The following CELF2 variants were observed in gnomAD, a reference collection of about 807,000 sequenced individuals.
The protein encoded by CELF2 is CUGBP Elav-like family member 2.
A neutral mutation model predicts 62.6 loss-of-function variants in CELF2; 8 were observed. The ratio of observed to expected loss-of-function variants is 0.13; its 90% CI spans 0.07 to 0.23. The LOEUF is 0.23. Among genes scored for constraint, CELF2 ranks in the 10% least tolerant of loss-of-function variants. The pLI is 1.00. For synonymous variants in CELF2, 258 were observed against 250.0 expected, an observed-to-expected ratio of 1.03 and a Z score of -0.30; for missense variants, 333 against 671.0, an observed-to-expected ratio of 0.50 and a Z score of 5.56.
chr10:10,476,066 C>A, the CELF2 span, among the ~76,000 whole-genome samples: 88,412 of 151,768 alleles, frequency 0.58, 25,845 homozygotes, highest in Admixed American at 0.65. Context: ...CAAGGCAAAG[C>A]GTTGGTTAGC....
At position 11,325,844 on chromosome 10, in the gene CELF2, G is replaced by C; in HGVS notation, c.1303G>C (p.Gly435Arg). Reference protein sequence around the residue: ...AAGSQKEGPEGANLFIYHLPQ... With the variant: ...AAGSQKEGPERANLFIYHLPQ... ...TTTTTTTTCCTCCTTAGGTCCAGAG[G>C]GGGCAAACCTCTTTATTTACCACCT... The change falls in exon 12 of 13, where the codon GGG becomes CGG. Residue 435 changes from glycine to arginine, a missense_variant. By Grantham distance (125) the Gly-to-Arg change is moderately radical (BLOSUM62 -2). Around this residue, in one of 3 missense-constraint regions of CELF2, gnomAD observed 35 missense variants for 128.1 expected, o/e 0.27. Coordinates refer to ENST00000633077, the MANE Select transcript of CELF2 (RefSeq NM_001326342.2). The C allele has an allele frequency of 6.2e-7, 1 of 1,612,388 alleles. No individual in the cohort carries two copies. Among genetic ancestry groups the C allele is most frequent in the Non-Finnish European group, 8.5e-7 (1 of 1,179,466 alleles).
the CELF2 span, among the ~76,000 whole-genome samples, chr10:10,543,758 T>TCAACAA: frequency 0.044 from 6,647 of 151,132 alleles, 499 homozygotes; most frequent in African/African-American, 0.15. Context: ...AAACTCCATT[T>TCAACAA]CAACAACAAC....
the CELF2 span, among the ~76,000 whole-genome samples, chr10:10,656,239 G>T: frequency 5.3e-5 from 8 of 151,456 alleles, no homozygotes; most frequent in East Asian, 1.6e-3. Context: ...TGGAGAGGAT[G>T]TGGAGAAATG....
chr10:10,891,027 C>CA (rs2062103131), intron 1 of CELF2, among the ~76,000 whole-genome samples: 1 of 151,302 alleles, frequency 6.6e-6, no homozygotes, highest in Middle Eastern at 3.4e-3. Flanking sequence ...AAAAAACAAA[C>CA]AACAACAACA....
At chr10:11,078,281 C>G (rs752973195) in intron 1 of CELF2, among the ~76,000 whole-genome samples, 1 of 151,980 alleles carries the variant, frequency 6.6e-6, no homozygotes, top group East Asian at 1.9e-4. Flanking sequence ...AATGGGAAAT[C>G]GAGTTCAACA....
the CELF2 span, among the ~76,000 whole-genome samples, chr10:10,563,958 G>A: frequency 3.9e-5 from 6 of 152,164 alleles, no homozygotes; most frequent in South Asian, 1.0e-3. Context: ...GGTTCAACAC[G>A]CAAGAGTGTG....
At position 11,297,641 on chromosome 10, in the gene CELF2, T is replaced by C. The variant is rs148422051; in HGVS notation, c.976+9089T>C. On this transcript the variant is annotated intron_variant, in intron 9 of 12. Transcript: ENST00000633077. This position sits in a 1 kb window ranked among gnomAD's most constrained non-coding sequence, Gnocchi z 4.4. ...CAGGCAGTGAGAGAGGACACAATTC[T>C]ATATGACATGTTCATGAAATGTGAA... Among the ~76,000 whole-genome samples the C allele has an allele frequency of 2.0e-3, 309 of 152,298 alleles. 1 individual carries two copies. The highest frequency in any genetic ancestry group is 7.1e-3 in the African/African-American group (296 of 41,554).
At chr10:10,752,259 C>T in the CELF2 span, among the ~76,000 whole-genome samples, 1 of 152,202 alleles carries the variant, frequency 6.6e-6, no homozygotes, top group African/African-American at 2.4e-5. Flanking sequence ...GGCTAAAGTA[C>T]CCATCACAGT....
the CELF2 span, among the ~76,000 whole-genome samples, chr10:10,637,221 C>T: frequency 2.4e-4 from 36 of 152,236 alleles, no homozygotes; most frequent in African/African-American, 8.7e-4. Flanking sequence ...AAAAATTTTG[C>T]AATCTACATC....
At chr10:11,197,535 C>A (rs2058276815) in intron 2 of CELF2, among the ~76,000 whole-genome samples, 1 of 152,234 alleles carries the variant, frequency 6.6e-6, no homozygotes, top group Non-Finnish European at 1.5e-5. Flanking sequence ...CCTCATACCT[C>A]CAGTGAGAAC....
intron 8 of CELF2, among the ~76,000 whole-genome samples, chr10:11,283,352 C>T (rs1011476846): frequency 8.5e-5 from 13 of 152,214 alleles, no homozygotes; most frequent in East Asian, 1.9e-4. Flanking sequence ...GCAATCTGCT[C>T]GGGTACACAG....
At chr10:10,512,097 G>A in the CELF2 span, among the ~76,000 whole-genome samples, 1 of 152,106 alleles carries the variant, frequency 6.6e-6, no homozygotes, top group Non-Finnish European at 1.5e-5. Flanking sequence ...TTTTCTCTCT[G>A]GGTATTTAAT....
chr10:10,888,377 G>A (rs1039532106), intron 1 of CELF2, among the ~76,000 whole-genome samples: 1 of 152,190 alleles, frequency 6.6e-6, no homozygotes, highest in African/African-American at 2.4e-5. Flanking sequence ...TGGGGGATGA[G>A]TTGGGGGAAC....
At chr10:11,099,893 A>C (rs554890402) in intron 1 of CELF2, among the ~76,000 whole-genome samples, 170 of 150,962 alleles carry the variant, frequency 1.1e-3, no homozygotes, top group African/African-American at 3.7e-3. Context: ...ACAAAAAAAA[A>C]AAAAAAAAAC....
chr10:11,280,989 C>CGTGCGTGT lies in CELF2; in HGVS notation c.841+5872_841+5873insCGTGTGTG, dbSNP rs372657262. Among the ~76,000 whole-genome samples the CGTGCGTGT allele has an allele frequency of 6.9e-6, 1 of 144,400 alleles. No homozygotes were observed. Among genetic ancestry groups the CGTGCGTGT allele is most frequent in the Non-Finnish European group, 1.5e-5 (1 of 65,510 alleles). 94.7% of individuals were successfully genotyped at this position (144,400 alleles called of 152,430 possible). A position where few individuals can be genotyped will look rare whatever the true frequency, so the allele number is the denominator to read the frequency against. On this transcript the variant is annotated intron_variant, in intron 8 of 12. Transcript: ENST00000633077. The surrounding 1 kb of genome is among the most constrained non-coding windows in gnomAD (Gnocchi z 7.6). ...TGGCGTGCGTGTGCATGCCTGTGTG[C>CGTGCGTGT]GTGTGTGTGTGTGTGTGTGTGTGTG... is the stretch of plus-strand genomic sequence containing the variant.
At chr10:11,274,455 T>C (rs1316766429) in intron 7 of CELF2, among the ~76,000 whole-genome samples, 1 of 152,252 alleles carries the variant, frequency 6.6e-6, no homozygotes, top group Admixed American at 6.5e-5. Flanking sequence ...GTGACTTCGA[T>C]GTACATAGCA....
chr10:10,668,618 T>G, the CELF2 span, among the ~76,000 whole-genome samples: 1 of 152,218 alleles, frequency 6.6e-6, no homozygotes, highest in Admixed American at 6.5e-5. Context: ...ATTTCTTGTT[T>G]TGTTATTCTT....
At chr10:11,078,300 C>T (rs945330444) in intron 1 of CELF2, among the ~76,000 whole-genome samples, 1 of 152,102 alleles carries the variant, frequency 6.6e-6, no homozygotes, top group African/African-American at 2.4e-5. Context: ...CAACATTTCT[C>T]TCTTGGGTGC....
upstream of CELF2, among the ~76,000 whole-genome samples, chr10:11,016,504 C>A (rs1258525886): frequency 6.6e-6 from 1 of 152,204 alleles, no homozygotes; most frequent in Non-Finnish European, 1.5e-5. This position sits in a 1 kb window ranked among gnomAD's most constrained non-coding sequence, Gnocchi z 5.2. Context: ...TTGCTCAATG[C>A]ATCAAACTGG....
Sources: gnomAD v4.1 joint callset for allele counts (sites outside exome capture counted in the v4.1 genomes callset) on GRCh38, gnomAD v4.1.1 for gene constraint, gnomAD v4.1.1 regional missense constraint, Gnocchi (gnomAD v3.1) non-coding constraint, MANE v1.5 for transcripts, NCBI Gene and HGNC (gene_info 2026-07-23, HGNC 2026-07-21) for gene names.